Variants in C5 observed in about 807,000 individuals in gnomAD.
The protein encoded by C5 is C3 and PZP-like alpha-2-macroglobulin domain-containing protein 4.
A neutral mutation model predicts 218.8 loss-of-function variants in C5; 140 were observed. The observed-to-expected ratio is 0.64, with a 90% CI of 0.56 to 0.74. The LOEUF (loss-of-function observed/expected upper bound fraction) is 0.74. C5 is among the 30% of genes least tolerant of loss of function. The pLI, the probability that C5 is intolerant of heterozygous loss-of-function variation, is 0.00. For synonymous variants in C5, 614 were observed against 682.3 expected (o/e 0.90, Z 1.56); for missense variants, 1,700 against 1,969.6 (o/e 0.86, Z 2.59).
chr9:121,036,600 T>C (rs1263904358), intron 4 of C5, among the ~76,000 whole-genome samples: 1 of 105,650 alleles, frequency 9.5e-6, no homozygotes, highest in African/African-American at 2.6e-5. Context: ...CTTGCCCCCA[T>C]AGCTTAACTC....
chr9:120,969,788 C>G (rs765719843), intron 32 of C5, among the ~76,000 whole-genome samples: 4 of 152,150 alleles, frequency 2.6e-5, no homozygotes, highest in Non-Finnish European at 5.9e-5. Flanking sequence ...GGAAAACTAA[C>G]AGGGTGATAA....
At chr9:121,031,774 A>G (rs1311493916) in intron 6 of C5, among the ~76,000 whole-genome samples, 1 of 152,154 alleles carries the variant, frequency 6.6e-6, no homozygotes, top group Non-Finnish European at 1.5e-5. Context: ...TTATAGAAAA[A>G]CTTTTAATTG....
intron 3 of C5, among the ~76,000 whole-genome samples, chr9:121,038,327 T>C (rs1185839230): frequency 1.3e-5 from 2 of 152,198 alleles, no homozygotes; most frequent in African/African-American, 4.8e-5. Flanking sequence ...CATATGGTTA[T>C]AGAGGAGCAT....
At chr9:121,035,268 C>T (rs2047514508) in intron 4 of C5, among the ~76,000 whole-genome samples, 1 of 152,082 alleles carries the variant, frequency 6.6e-6, no homozygotes, top group African/African-American at 2.4e-5. Flanking sequence ...TTATAAACAC[C>T]AGAATCTAAT....
At chr9:121,003,947 C>T (rs533194123) in intron 20 of C5, among the ~76,000 whole-genome samples, 2 of 152,222 alleles carry the variant, frequency 1.3e-5, no homozygotes, top group Non-Finnish European at 2.9e-5. Context: ...CGGCTCACTG[C>T]AAGCTCCGCC....
At chr9:120,991,516 G>A (rs1473586982) in intron 22 of C5, among the ~76,000 whole-genome samples, 1 of 152,146 alleles carries the variant, frequency 6.6e-6, no homozygotes, top group African/African-American at 2.4e-5. Context: ...ATTATAAGAT[G>A]TGAAATAAAT....
At chr9:121,068,178 G>A in the C5 span, among the ~76,000 whole-genome samples, 1 of 152,048 alleles carries the variant, frequency 6.6e-6, no homozygotes, top group Non-Finnish European at 1.5e-5. Context: ...AAATCAGAAA[G>A]GAAGAGGTAA....
chr9:121,059,745 T>A, the C5 span, among the ~76,000 whole-genome samples: 1 of 152,234 alleles, frequency 6.6e-6, no homozygotes, highest in Non-Finnish European at 1.5e-5. This position sits in a 1 kb window ranked among gnomAD's most constrained non-coding sequence, Gnocchi z 4.1. Context: ...TTTTTCTCTC[T>A]TGAACGGCCT....
intron 3 of C5, among the ~76,000 whole-genome samples, chr9:121,041,929 C>A (rs958743788): frequency 2.6e-5 from 4 of 152,192 alleles, no homozygotes; most frequent in African/African-American, 9.7e-5. Flanking sequence ...CCTTTCTGAG[C>A]TGATCATAAC....
At chr9:121,025,682 CAGA>C in intron 8 of C5, 102 bp from the exon 9 acceptor site, 3 of 1,143,676 alleles carry the variant, frequency 2.6e-6, no homozygotes, top group Non-Finnish European at 3.9e-6. Context: ...AGGTAAATGT[CAGA>C]AGAATGGTTT....
chr9:121,050,207 C>T lies in C5; in HGVS notation c.40G>A (p.Gly14Arg). 2 of 1,613,810 alleles carry T rather than the reference C, an allele frequency of 1.2e-6. No individual in the cohort carries two copies. The highest frequency in any genetic ancestry group is 1.7e-6 in the Non-Finnish European group (2 of 1,179,828). ...LGILCFLIFL[G>R]KTWGQEQTYV... ...GTTTGCTCCTGTCCCCAGGTTTTCC[C>T]CAGGAAGATTAAAAAACAAAGTATT... Residue 14 changes from glycine to arginine, a missense_variant, in exon 1 of 41, where the codon GGG becomes AGG. By Grantham distance (125) the Gly-to-Arg change is moderately radical. Coordinates refer to ENST00000223642, the MANE Select transcript of C5 (RefSeq NM_001735.3).
chr9:121,006,783 G>A, intron 19 of C5, 121 bp downstream of exon 19: 2 of 717,960 alleles, frequency 2.8e-6, no homozygotes, highest in East Asian at 5.4e-5. Context: ...ATAAAAAAAA[G>A]AATATTTTTT....
chr9:121,006,671 C>T (rs1587974755), intron 19 of C5, among the ~76,000 whole-genome samples: 1 of 151,736 alleles, frequency 6.6e-6, no homozygotes, highest in African/African-American at 2.4e-5. Context: ...AGCGAGACCC[C>T]TTCTTCATTT....
At chr9:120,956,547 GA>G (rs955962961) in intron 39 of C5, among the ~76,000 whole-genome samples, 3 of 151,810 alleles carry the variant, frequency 2.0e-5, no homozygotes, top group African/African-American at 4.8e-5. Context: ...CATAAAATTA[GA>G]AAAAAACATT....
rs988425886 is a variant in C5, at chr9:120,997,298, A to T, written c.2790+249T>A. Among the ~76,000 whole-genome samples the T allele has an allele frequency of 3.3e-5, 5 of 152,144 alleles. No individual in the cohort carries two copies. The East Asian group carries it at 9.6e-4, about 29-fold the overall frequency. Reference sequence around the variant, plus strand: ...TGGGAATTATTGATGATTTTTATTTATCTGTCGTTTTTCAGTATTTTATAT... The same window carrying T: ...TGGGAATTATTGATGATTTTTATTTTTCTGTCGTTTTTCAGTATTTTATAT... On this transcript the variant is annotated intron_variant, in intron 21 of 40. Transcript: ENST00000223642.
At position 121,043,089 on chromosome 9, in the gene C5, T is replaced by C; in HGVS notation, c.336A>G (p.Ser112=). ...VYLEVVSKHF[S]KSKRMPITYD... ...AGGTTATTGGCATTCTTTTTGATTT[T>C]GAAAAATGCTTTGATACAACTTCCA... The change falls in exon 3 of 41, where the codon TCA becomes TCG. Residue 112 remains serine, a synonymous_variant. Transcript: ENST00000223642. 1 of 1,613,250 alleles carries C rather than the reference T, an allele frequency of 6.2e-7. No homozygotes were observed. The highest frequency in any genetic ancestry group is 8.5e-7 in the Non-Finnish European group (1 of 1,179,404).
rs201280694 is a variant in C5, at chr9:120,976,832, C to T, written c.3732G>A (p.Thr1244=). The change falls in exon 29 of 41, where the codon ACG becomes ACA. Residue 1244 remains threonine, a synonymous_variant. Coordinates refer to ENST00000223642, the MANE Select transcript of C5 (RefSeq NM_001735.3). ...HKDSSVPNTG[T]ARMVETTAYA... ...AGGCAGTTGTTTCTACCATACGTGC[C>T]GTACCAGTGTTAGGTACAGAGCTGT... 1.4e-4 allele frequency: 224 copies of T among 1,613,906 alleles called. No homozygotes were observed. The highest frequency in any genetic ancestry group is 6.7e-4 in the East Asian group (30 of 44,878).
intron 30 of C5, 104 bp downstream of exon 30, chr9:120,974,675 T>C (rs1441234164): frequency 1.3e-5 from 14 of 1,081,560 alleles, no homozygotes; most frequent in Non-Finnish European, 1.9e-5. Context: ...ACACTCAATA[T>C]ATGTTTAAGT....
At chr9:120,983,875 C>T (rs1213308093) in intron 25 of C5, among the ~76,000 whole-genome samples, 1 of 152,162 alleles carries the variant, frequency 6.6e-6, no homozygotes, top group African/African-American at 2.4e-5. Flanking sequence ...TCCCCCTCCA[C>T]CTCCCAACAG....
Sources: allele counts gnomAD v4.1 joint callset (sites outside exome capture counted in the v4.1 genomes callset), GRCh38; gene constraint gnomAD v4.1.1; non-coding constraint Gnocchi (gnomAD v3.1); transcripts MANE v1.5; gene names NCBI Gene and HGNC (gene_info 2026-07-23, HGNC 2026-07-21).